SNURF: variants seen among roughly 807,000 people sequenced by gnomAD.
The protein encoded by SNURF is SNRPN upstream open reading frame.
Under a neutral mutation model 11.6 loss-of-function variants are expected in SNURF, and 6 were observed. The observed-to-expected ratio is 0.52, with a 90% CI of 0.28 to 1.02. The LOEUF (loss-of-function observed/expected upper bound fraction) is 1.02. SNURF is among the 50% of genes least tolerant of loss of function. The pLI is 0.09. For missense variants in SNURF, 84 were observed against 88.4 expected (o/e 0.95, Z 0.20); for synonymous variants, 29 against 31.6 (o/e 0.92, Z 0.27).
At chr15:24,971,510 C>T (rs978653325), downstream of SNURF, among the ~76,000 whole-genome samples, 1 of 151,712 alleles carries the variant, frequency 6.6e-6, no homozygotes. Flanking sequence ...TATATCTCTT[C>T]TAGCTATACA....
intron 2 of SNURF, among the ~76,000 whole-genome samples, chr15:24,962,426 A>G (rs965853553): frequency 6.6e-6 from 1 of 152,218 alleles, no homozygotes; most frequent in African/African-American, 2.4e-5. Context: ...TTTTTCCTAT[A>G]CGTGGGTAAG....
intron 2 of SNURF, among the ~76,000 whole-genome samples, chr15:24,966,178 G>A (rs1038479804): frequency 6.6e-6 from 1 of 152,182 alleles, no homozygotes; most frequent in African/African-American, 2.4e-5. Flanking sequence ...CCACACTTCC[G>A]ACCAACAGTC....
downstream of SNURF, chr15:24,977,940 A>T: frequency 6.5e-7 from 1 of 1,533,218 alleles, no homozygotes; most frequent in Non-Finnish European, 8.8e-7. Flanking sequence ...GAACACGAAG[A>T]CGAACTTGAA....
chr15:24,963,485 C>T (rs757840578), intron 2 of SNURF, among the ~76,000 whole-genome samples: 1 of 151,758 alleles, frequency 6.6e-6, no homozygotes, highest in Admixed American at 6.6e-5. Flanking sequence ...TGTGGTGGCA[C>T]GTGCCTGTAA....
At chr15:24,963,065 A>G (rs948237379) in intron 2 of SNURF, among the ~76,000 whole-genome samples, 2 of 152,114 alleles carry the variant, frequency 1.3e-5, no homozygotes, top group African/African-American at 2.4e-5. Context: ...ACCTTGTCCT[A>G]TGCATTGTGT....
intron 2 of SNURF, chr15:24,966,928 G>GTATGTC (rs1015523247): frequency 1.3e-5 from 2 of 152,122 alleles, no homozygotes; most frequent in African/African-American, 2.4e-5. Flanking sequence ...ATTCATAGGG[G>GTATGTC]TATGTCGAGG....
At chr15:24,975,531 G>A (rs1284807328) in intron 4 of SNURF, 2 of 1,607,292 alleles carry the variant, frequency 1.2e-6, no homozygotes, top group South Asian at 1.1e-5. Flanking sequence ...TTGGGCAAAT[G>A]GGGGTTGGAC....
intron 3 of SNURF, among the ~76,000 whole-genome samples, chr15:24,974,020 T>C (rs774378875): frequency 1.3e-5 from 2 of 152,154 alleles, no homozygotes; most frequent in Non-Finnish European, 2.9e-5. Flanking sequence ...CTACCTTAAA[T>C]AAGGATGGAA....
At chr15:24,972,806 T>C (rs1159074013), downstream of SNURF, among the ~76,000 whole-genome samples, 2 of 151,992 alleles carry the variant, frequency 1.3e-5, no homozygotes, top group African/African-American at 4.8e-5. Context: ...CATTAACAAT[T>C]CCGTTCAACA....
intron 1 of SNURF, among the ~76,000 whole-genome samples, chr15:24,959,346 G>A (rs1247162892): frequency 6.6e-6 from 1 of 152,132 alleles, no homozygotes; most frequent in Non-Finnish European, 1.5e-5. Context: ...GTAGATTTAA[G>A]CCAGGTGCGG....
chr15:24,956,796 T>A (rs1447675857), intron 1 of SNURF, among the ~76,000 whole-genome samples: 1 of 152,126 alleles, frequency 6.6e-6, no homozygotes, highest in Non-Finnish European at 1.5e-5. Flanking sequence ...TGGAGGGGAA[T>A]GTGGCTAGAG....
chr15:24,974,394 C>T, intron 3 of SNURF: 2 of 1,554,128 alleles, frequency 1.3e-6, no homozygotes, highest in Non-Finnish European at 1.8e-6. Context: ...TAGCCTTCCC[C>T]TAGGTCTTCA....
intron 6 of SNURF, chr15:24,977,070 T>C (rs748137773): frequency 6.7e-7 from 1 of 1,492,426 alleles, no homozygotes; most frequent in East Asian, 2.4e-5. Flanking sequence ...TGGGAGAATA[T>C]GACTAAGCCG....
At chr15:24,974,203 G>A (rs2076800436) in intron 3 of SNURF, 4 of 527,344 alleles carry the variant, frequency 7.6e-6, no homozygotes, top group South Asian at 6.9e-5. Context: ...AGTATGAGAG[G>A]AAGGATGTTT....
chr15:24,969,168 G>T (rs1223215123), downstream of SNURF, among the ~76,000 whole-genome samples: 2 of 151,986 alleles, frequency 1.3e-5, no homozygotes, highest in African/African-American at 4.8e-5. Flanking sequence ...TCACTCTGTT[G>T]CCCAGGCTGG....
chr15:24,958,486 G>GTTTTTTTTTTTTT (rs71127030), intron 1 of SNURF, among the ~76,000 whole-genome samples: 2 of 65,284 alleles, frequency 3.1e-5, no homozygotes, highest in Non-Finnish European at 5.4e-5. Context: ...CTGGCTCAAA[G>GTTTTTTTTTTTTT]TTTTTTTTTT....
At chr15:24,977,552 C>T (rs1033217110) in intron 6 of SNURF, among the ~76,000 whole-genome samples, 3 of 152,012 alleles carry the variant, frequency 2.0e-5, no homozygotes, top group Admixed American at 6.5e-5. Flanking sequence ...ACAGGAGAAT[C>T]GCTTGAACCC....
At chr15:24,962,286 G>A in intron 2 of SNURF, 77 bp downstream of exon 2, 2 of 1,165,602 alleles carry the variant, frequency 1.7e-6, no homozygotes, top group South Asian at 1.2e-5. Flanking sequence ...ATGCAATGAG[G>A]GGATTAAAAT....
chr15:24,975,637 T>C, intron 4 of SNURF: 1 of 737,374 alleles, frequency 1.4e-6, no homozygotes, highest in East Asian at 2.5e-5. Context: ...CAGTCTATTG[T>C]TTAACCTCTT....
Sources: gnomAD v4.1 joint callset for allele counts (sites outside exome capture counted in the v4.1 genomes callset) on GRCh38, gnomAD v4.1.1 for gene constraint, MANE v1.5 for transcripts, NCBI Gene and HGNC (gene_info 2026-07-23, HGNC 2026-07-21) for gene names.